Variants in SDK1 observed in about 807,000 individuals in gnomAD.
The protein encoded by SDK1 is sidekick cell adhesion molecule 1.
SDK1 carries 157 observed loss-of-function variants against 245.5 expected under a neutral mutation model. The ratio of observed to expected loss-of-function variants is 0.64; its 90% confidence interval spans 0.56 to 0.73. The LOEUF (loss-of-function observed/expected upper bound fraction) is 0.73, where lower values mean the gene tolerates loss of function less well. SDK1 is among the 30% of genes least tolerant of loss of function. The pLI is 0.00. For missense variants in SDK1, 3,583 were observed against 3,002.3 expected, an observed-to-expected ratio of 1.19 and a Z score of -4.52; for synonymous variants, 1,647 against 1,278.5, an observed-to-expected ratio of 1.29 and a Z score of -6.15.
At chr7:3,764,393 T>C (rs1292475557) in intron 4 of SDK1, among the ~76,000 whole-genome samples, 2 of 152,190 alleles carry the variant, frequency 1.3e-5, no homozygotes, top group Non-Finnish European at 2.9e-5. Context: ...TAGATTAAAA[T>C]AACCATCCTA....
intron 1 of SDK1, among the ~76,000 whole-genome samples, chr7:3,442,669 T>C (rs1018875882): frequency 6.6e-6 from 1 of 152,214 alleles, no homozygotes; most frequent in African/African-American, 2.4e-5. Flanking sequence ...AAAATTATTA[T>C]AGTAACATGG....
rs546392917 is a variant in SDK1 at position 3,474,156 on chromosome 7, G to A, written c.299-144924G>A. 4.9e-4 allele frequency among the ~76,000 whole-genome samples: 68 copies of A among 138,804 alleles called. 1 individual carries two copies. In the South Asian group the frequency reaches 7.4e-3, roughly 15 times the overall value. 91.1% of individuals were successfully genotyped at this position (138,804 alleles called of 152,430 possible). On this transcript the variant is annotated intron_variant, in intron 1 of 44. Transcript: ENST00000404826. ...GTCTCTCTGTTGCCCAGGCTGGGGCGCGGTGGCTCAATCTCGGCTCACTGC... is the reference window on the plus strand; with the variant it reads ...GTCTCTCTGTTGCCCAGGCTGGGGCACGGTGGCTCAATCTCGGCTCACTGC...
chr7:4,221,216 C>T (rs772602857), intron 39 of SDK1, 23 bp from the exon 40 acceptor site: 1 of 1,611,830 alleles, frequency 6.2e-7, no homozygotes. Context: ...TGCCTCACCT[C>T]TCTTTTCTTC....
chr7:3,556,871 C>T (rs1021030407), intron 1 of SDK1, among the ~76,000 whole-genome samples: 7 of 152,148 alleles, frequency 4.6e-5, no homozygotes, highest in African/African-American at 9.6e-5. Flanking sequence ...TTAGTACTTA[C>T]GTGATGGATA....
At chr7:3,685,488 G>A (rs1158755590) in intron 4 of SDK1, among the ~76,000 whole-genome samples, 1 of 152,082 alleles carries the variant, frequency 6.6e-6, no homozygotes, top group Non-Finnish European at 1.5e-5. Flanking sequence ...AGAAATAATA[G>A]AATAAAAACC....
chr7:3,850,216 C>T (rs4720065), intron 5 of SDK1, among the ~76,000 whole-genome samples: 1 of 152,206 alleles, frequency 6.6e-6, no homozygotes, highest in Non-Finnish European at 1.5e-5. Flanking sequence ...CTTTGGCAAG[C>T]TAAGAAGCCT....
intron 2 of SDK1, among the ~76,000 whole-genome samples, chr7:3,627,084 T>A (rs543274786): frequency 1.3e-5 from 2 of 152,172 alleles, no homozygotes; most frequent in South Asian, 4.1e-4. Context: ...CACACCACCA[T>A]GCCCAGCTAA....
At chr7:4,147,807 A>G (rs1434254910) in intron 29 of SDK1, among the ~76,000 whole-genome samples, 1 of 152,112 alleles carries the variant, frequency 6.6e-6, no homozygotes, top group Non-Finnish European at 1.5e-5. Context: ...GCTCCCAAGC[A>G]AACGTTTTGA....
intron 41 of SDK1, among the ~76,000 whole-genome samples, chr7:4,236,594 G>A (rs73674252): frequency 6.6e-6 from 1 of 152,058 alleles, no homozygotes; most frequent in Non-Finnish European, 1.5e-5. Context: ...TAGACGTGCA[G>A]ACGGCAGGTC....
At chr7:3,707,990 G>A (rs890148629) in intron 4 of SDK1, among the ~76,000 whole-genome samples, 2 of 152,150 alleles carry the variant, frequency 1.3e-5, no homozygotes, top group Non-Finnish European at 2.9e-5. Context: ...CTGAGACTGA[G>A]TAATTTATTT....
intron 5 of SDK1, among the ~76,000 whole-genome samples, chr7:3,911,900 A>C (rs1779179268): frequency 6.6e-6 from 1 of 152,170 alleles, no homozygotes; most frequent in African/African-American, 2.4e-5. Flanking sequence ...AGCTGGATAA[A>C]GTACTCACCT....
intron 4 of SDK1, among the ~76,000 whole-genome samples, chr7:3,786,619 G>A (rs1780908282): frequency 6.6e-6 from 1 of 152,188 alleles, no homozygotes; most frequent in Non-Finnish European, 1.5e-5. Flanking sequence ...TCAGTGAATG[G>A]ACTGAAATAC....
chr7:3,718,103 C>G (rs931618679), intron 4 of SDK1, among the ~76,000 whole-genome samples: 3 of 152,266 alleles, frequency 2.0e-5, no homozygotes, highest in Non-Finnish European at 2.9e-5. Context: ...GCATGCAAGG[C>G]TGGCTTCATA....
At chr7:3,780,474 A>G (rs946791658) in intron 4 of SDK1, among the ~76,000 whole-genome samples, 5 of 152,150 alleles carry the variant, frequency 3.3e-5, no homozygotes, top group African/African-American at 9.7e-5. Flanking sequence ...GTGGCTCCCA[A>G]TAGCAGATAC....
chr7:3,465,478 G>A (rs1321397433), intron 1 of SDK1, among the ~76,000 whole-genome samples: 1 of 152,180 alleles, frequency 6.6e-6, no homozygotes, highest in Non-Finnish European at 1.5e-5. Flanking sequence ...ACTCTCTTGT[G>A]CCTCACATTA....
At chr7:3,822,189 C>T (rs1779662971) in intron 5 of SDK1, among the ~76,000 whole-genome samples, 1 of 152,080 alleles carries the variant, frequency 6.6e-6, no homozygotes, top group Non-Finnish European at 1.5e-5. Flanking sequence ...GAGTTAATTG[C>T]TAAAGAAGGG....
chr7:3,638,856 A>G (rs1782557075), intron 2 of SDK1, 148 bp from the exon 3 acceptor site: 1 of 399,072 alleles, frequency 2.5e-6, no homozygotes, highest in Admixed American at 4.1e-5. Context: ...GAAGGATTGC[A>G]CAGATACTAG....
chr7:3,795,515 A>G (rs967713418), intron 4 of SDK1, among the ~76,000 whole-genome samples: 3 of 152,188 alleles, frequency 2.0e-5, no homozygotes, highest in African/African-American at 4.8e-5. Context: ...TTTAAAGAGC[A>G]AAGCTAGGAG....
At position 4,265,834 on chromosome 7, in the gene SDK1, T is replaced by G; in HGVS notation, c.*450T>G. ...TCCAGAGAACCAGCGGCTCACACCC[T>G]TCTCAACGCAGGACATCCTCGGCGG... On this transcript the variant is annotated 3_prime_UTR_variant, in exon 45 of 45. Coordinates refer to ENST00000404826, the MANE Select transcript of SDK1 (RefSeq NM_152744.4). 1.0e-6 allele frequency: 1 copy of G among 994,396 alleles called. No individual in the cohort carries two copies. 61.6% of individuals were successfully genotyped at this position (994,396 alleles called of 1,614,324 possible).
Sources: gnomAD v4.1 joint callset for allele counts (sites outside exome capture counted in the v4.1 genomes callset) on GRCh38, gnomAD v4.1.1 for gene constraint, MANE v1.5 for transcripts, NCBI Gene and HGNC (gene_info 2026-07-23, HGNC 2026-07-21) for gene names.